The following SUGCT variants were observed in gnomAD, a reference collection of about 807,000 sequenced individuals.
SUGCT encodes the protein succinyl-CoA:glutarate CoA-transferase.
Under a neutral mutation model 55.0 loss-of-function variants are expected in SUGCT, and 41 were observed. That is an observed-to-expected ratio of 0.74 (90% CI 0.58 to 0.97). The LOEUF is 0.97. Among genes scored for constraint, SUGCT ranks in the 50% least tolerant of loss-of-function variants. SUGCT has a pLI of 0.00. For missense variants in SUGCT, 568 were observed against 547.8 expected, an observed-to-expected ratio of 1.04 and a Z score of -0.37; for synonymous variants, 187 against 200.4, an observed-to-expected ratio of 0.93 and a Z score of 0.56.
At chr7:40,434,826 A>G (rs904179185) in intron 9 of SUGCT, among the ~76,000 whole-genome samples, 2 of 152,118 alleles carry the variant, frequency 1.3e-5, no homozygotes, top group African/African-American at 2.4e-5. Context: ...TTTTTCAGTT[A>G]TAAATGTCTA....
intron 13 of SUGCT, among the ~76,000 whole-genome samples, chr7:40,800,856 T>C (rs1790782259): frequency 6.6e-6 from 1 of 152,212 alleles, no homozygotes; most frequent in South Asian, 2.1e-4. Context: ...ATTAACTTAA[T>C]CACACAATTT....
intron 8 of SUGCT, among the ~76,000 whole-genome samples, chr7:40,286,375 A>G (rs1276552241): frequency 6.6e-6 from 1 of 152,178 alleles, no homozygotes; most frequent in Non-Finnish European, 1.5e-5. Flanking sequence ...CCTCTCTCTT[A>G]GGAGAACCCC....
chr7:40,599,451 T>TG (rs1455273930), intron 12 of SUGCT, among the ~76,000 whole-genome samples: 2 of 152,166 alleles, frequency 1.3e-5, no homozygotes, highest in Non-Finnish European at 2.9e-5. Context: ...GCACCAAAGC[T>TG]GGTCCCTTGG....
the SUGCT span, among the ~76,000 whole-genome samples, chr7:40,918,233 C>T: frequency 1.4e-4 from 22 of 152,116 alleles, no homozygotes; most frequent in Admixed American, 2.6e-4. Context: ...GAGGCCAAGG[C>T]GGGCGGATCA....
chr7:40,994,232 GT>G, the SUGCT span, among the ~76,000 whole-genome samples: 1 of 152,146 alleles, frequency 6.6e-6, no homozygotes, highest in Non-Finnish European at 1.5e-5. Flanking sequence ...TGGCCATTCA[GT>G]TTGAAGGCAA....
At chr7:40,418,046 T>C (rs1026536024) in intron 9 of SUGCT, among the ~76,000 whole-genome samples, 1 of 152,164 alleles carries the variant, frequency 6.6e-6, no homozygotes, top group African/African-American at 2.4e-5. Flanking sequence ...ATGTGTATGG[T>C]TTTTTGAACA....
intron 12 of SUGCT, among the ~76,000 whole-genome samples, chr7:40,721,894 A>G (rs1455190265): frequency 6.6e-6 from 1 of 152,190 alleles, no homozygotes; most frequent in Non-Finnish European, 1.5e-5. Flanking sequence ...TCCCAATGAG[A>G]CTTTTAGAGT....
intron 12 of SUGCT, among the ~76,000 whole-genome samples, chr7:40,603,082 C>A (rs1484418819): frequency 6.6e-6 from 1 of 152,154 alleles, no homozygotes; most frequent in African/African-American, 2.4e-5. Context: ...TAAATATATT[C>A]TTCACTTACA....
intron 6 of SUGCT, among the ~76,000 whole-genome samples, chr7:40,202,556 G>T (rs535879363): frequency 1.6e-4 from 24 of 152,134 alleles, no homozygotes; most frequent in South Asian, 1.0e-3. Flanking sequence ...GCTATTTGTG[G>T]TTTTTTTCAG....
At chr7:40,411,105 T>C (rs902496977) in intron 9 of SUGCT, among the ~76,000 whole-genome samples, 1 of 152,106 alleles carries the variant, frequency 6.6e-6, no homozygotes, top group Non-Finnish European at 1.5e-5. Context: ...CATAAGCCAA[T>C]GAATTGGCTG....
At chr7:40,935,278 T>C in the SUGCT span, among the ~76,000 whole-genome samples, 1 of 152,210 alleles carries the variant, frequency 6.6e-6, no homozygotes, top group South Asian at 2.1e-4. Flanking sequence ...AAATCACCCT[T>C]TGATAGTATA....
intron 12 of SUGCT, among the ~76,000 whole-genome samples, chr7:40,621,809 A>G (rs1027072104): frequency 6.6e-6 from 1 of 152,210 alleles, no homozygotes; most frequent in Non-Finnish European, 1.5e-5. Context: ...TACAATGACC[A>G]CATGTCCCTG....
chr7:40,934,184 C>G, the SUGCT span, among the ~76,000 whole-genome samples: 1 of 152,314 alleles, frequency 6.6e-6, no homozygotes, highest in South Asian at 2.1e-4. Context: ...TTTCTTCTAA[C>G]AGTCAGGTCC....
intron 6 of SUGCT, among the ~76,000 whole-genome samples, chr7:40,196,406 G>C (rs1786292920): frequency 6.6e-6 from 1 of 152,190 alleles, no homozygotes; most frequent in Non-Finnish European, 1.5e-5. Context: ...GAATACAGGA[G>C]TGATAAAAAT....
At chr7:40,668,220 C>T (rs1337682022) in intron 12 of SUGCT, among the ~76,000 whole-genome samples, 1 of 152,130 alleles carries the variant, frequency 6.6e-6, no homozygotes, top group African/African-American at 2.4e-5. Flanking sequence ...TCTGTGCTGT[C>T]TTCACATATG....
At chr7:40,239,149 C>T (rs1043897869) in intron 7 of SUGCT, among the ~76,000 whole-genome samples, 2 of 152,016 alleles carry the variant, frequency 1.3e-5, no homozygotes, top group Non-Finnish European at 2.9e-5. Flanking sequence ...TGGAGTGCAG[C>T]CTCCGTGGCA....
the SUGCT span, among the ~76,000 whole-genome samples, chr7:40,960,909 A>G: frequency 2.6e-5 from 4 of 152,226 alleles, no homozygotes; most frequent in Admixed American, 1.3e-4. Context: ...ACACACTTAT[A>G]TCACTGGTCC....
At chr7:40,243,445 G>A (rs1422520709) in intron 7 of SUGCT, among the ~76,000 whole-genome samples, 1 of 152,016 alleles carries the variant, frequency 6.6e-6, no homozygotes, top group Non-Finnish European at 1.5e-5. Context: ...ACAGAAAACT[G>A]AATAAAATTA....
intron 9 of SUGCT, among the ~76,000 whole-genome samples, chr7:40,435,702 A>G (rs1393952879): frequency 1.3e-5 from 2 of 152,034 alleles, no homozygotes; most frequent in Non-Finnish European, 1.5e-5. Flanking sequence ...TGAGTTTCTC[A>G]TTGAGTTAAC....
Sources: gnomAD v4.1 joint callset for allele counts (sites outside exome capture counted in the v4.1 genomes callset) on GRCh38, gnomAD v4.1.1 for gene constraint, MANE v1.5 for transcripts, NCBI Gene and HGNC (gene_info 2026-07-23, HGNC 2026-07-21) for gene names.